Variants in JAK2 observed in about 807,000 individuals in gnomAD.
JAK2 encodes Janus kinase 2, also known as tyrosine-protein kinase JAK2.
A neutral mutation model predicts 139.3 loss-of-function variants in JAK2; 86 were observed. The observed-to-expected ratio is 0.62, with a 90% CI of 0.52 to 0.74. The LOEUF (loss-of-function observed/expected upper bound fraction) is 0.74. JAK2 is among the 30% of genes least tolerant of loss of function. The pLI, the probability that JAK2 is intolerant of heterozygous loss-of-function variation, is 0.00. For synonymous variants in JAK2, 490 were observed against 437.7 expected, an observed-to-expected ratio of 1.12 and a Z score of -1.49; for missense variants, 1,421 against 1,360.3, an observed-to-expected ratio of 1.04 and a Z score of -0.70.
At chr9:5,030,051 T>C (rs1165399539) in intron 4 of JAK2, 145 bp downstream of exon 4, 1 of 655,430 alleles carries the variant, frequency 1.5e-6, no homozygotes, top group Non-Finnish European at 2.5e-6. Flanking sequence ...TAAGATTCTA[T>C]TCTGTTTCTC....
At chr9:5,039,430 G>A (rs1280071054) in intron 4 of JAK2, among the ~76,000 whole-genome samples, 2 of 152,042 alleles carry the variant, frequency 1.3e-5, no homozygotes, top group Non-Finnish European at 2.9e-5. Flanking sequence ...TATACTGAAG[G>A]ATGTGCACAG....
At chr9:5,009,982 GGGCT>G (rs1821585465) in intron 2 of JAK2, among the ~76,000 whole-genome samples, 4 of 152,100 alleles carry the variant, frequency 2.6e-5, no homozygotes, top group African/African-American at 9.7e-5. Context: ...AATGTTGCCG[GGGCT>G]AGTCTTGAGC....
chr9:5,090,447 T>G lies in JAK2; in HGVS notation c.2763T>G (p.Gly921=). Residue 921 remains glycine, a splice_region_variant and synonymous_variant, in exon 21 of 25, where the codon GGT becomes GGG. Coordinates refer to ENST00000381652, the MANE Select transcript of JAK2 (RefSeq NM_004972.4). The part of the protein sequence containing the change: ...VKYKGVCYSA[G]RRNLKLIMEY... ...TTATTTCCACCTTTATGTTAAAAGG[T>G]CGGCGTAATCTAAAATTAATTATGG... 1 of 1,546,824 alleles carries G rather than the reference T, an allele frequency of 6.5e-7. No individual in the cohort carries two copies. The highest frequency in any genetic ancestry group is 8.7e-7 in the Non-Finnish European group (1 of 1,143,074).
intron 22 of JAK2, among the ~76,000 whole-genome samples, chr9:5,101,398 G>A (rs939708987): frequency 6.6e-6 from 1 of 152,366 alleles, no homozygotes; most frequent in East Asian, 1.9e-4. Context: ...ACTGGGTGGA[G>A]CCCACCACAG....
intron 22 of JAK2, chr9:5,111,311 C>T (rs899578563): frequency 2.2e-6 from 1 of 459,642 alleles, no homozygotes. Flanking sequence ...CCCTCAGCAG[C>T]CCCGGACCCC....
At chr9:5,071,234 A>G (rs1209776292) in intron 12 of JAK2, among the ~76,000 whole-genome samples, 1 of 152,176 alleles carries the variant, frequency 6.6e-6, no homozygotes, top group Non-Finnish European at 1.5e-5. Flanking sequence ...GGCAACCCAT[A>G]ATTCCCACAG....
intron 10 of JAK2, among the ~76,000 whole-genome samples, chr9:5,067,754 T>C (rs916910498): frequency 6.6e-6 from 1 of 152,148 alleles, no homozygotes; most frequent in Non-Finnish European, 1.5e-5. Flanking sequence ...AGGAAACTTA[T>C]CTACTGGACA....
intron 22 of JAK2, chr9:5,114,421 A>G: frequency 2.0e-6 from 1 of 494,326 alleles, no homozygotes; most frequent in South Asian, 1.8e-5. Context: ...ATCAAGGGGG[A>G]GACCTACCAG....
chr9:5,086,520 T>G (rs1820125880), intron 19 of JAK2, among the ~76,000 whole-genome samples: 1 of 152,202 alleles, frequency 6.6e-6, no homozygotes, highest in Non-Finnish European at 1.5e-5. Context: ...CCACATTCCT[T>G]GAATACTTTT....
chr9:5,011,319 G>A (rs755533290), intron 2 of JAK2, among the ~76,000 whole-genome samples: 4 of 152,064 alleles, frequency 2.6e-5, no homozygotes, highest in Non-Finnish European at 5.9e-5. Context: ...CCAAGTAGCT[G>A]GGACTACGGG....
Position 5,123,022 on chromosome 9 carries a change from GAC to G in JAK2, c.3080_3081del (p.Thr1027ArgfsTer19). On this transcript the variant is annotated frameshift_variant, in exon 23 of 25. Coordinates refer to ENST00000381652, the MANE Select transcript of JAK2 (RefSeq NM_004972.4). LOFTEE classifies it high-confidence loss of function. Reference protein sequence around the residue: ...PIFWYAPESLTESKFSVASDV... With the variant: ...PIFWYAPESLXESKFSVASDV... ...TTTACAGGTATGCTCCAGAATCACTGACAGAGAGCAAGTTTTCTGTGGCCTCA... is the reference window on the plus strand; with the variant it reads ...TTTACAGGTATGCTCCAGAATCACTGAGAGAGCAAGTTTTCTGTGGCCTCA... 2 of 1,610,576 alleles carry G rather than the reference GAC, an allele frequency of 1.2e-6. No individual in the cohort carries two copies. Among genetic ancestry groups the G allele is most frequent in the Non-Finnish European group, 1.7e-6 (2 of 1,177,830 alleles).
chr9:5,113,769 C>A (rs1822872693), intron 22 of JAK2: 1 of 165,916 alleles, frequency 6.0e-6, no homozygotes, highest in Non-Finnish European at 1.3e-5. Context: ...CAGCTGACTG[C>A]CTCGGGTGCG....
At chr9:5,090,611 G>A (rs757964566) in intron 21 of JAK2, 41 bp downstream of exon 21, 36 of 1,547,770 alleles carry the variant, frequency 2.3e-5, no homozygotes, top group Middle Eastern at 1.7e-4. Flanking sequence ...TGAAGCAACC[G>A]TGTTGAAGTA....
chr9:5,103,508 T>A (rs1821697846), intron 22 of JAK2, among the ~76,000 whole-genome samples: 1 of 152,008 alleles, frequency 6.6e-6, no homozygotes. Flanking sequence ...AATAGACAGA[T>A]CAATGAGACA....
chr9:5,107,239 G>T lies in JAK2; in HGVS notation c.3060-15765G>T, dbSNP rs10124201. On this transcript the variant is annotated intron_variant, in intron 22 of 24. Coordinates refer to ENST00000381652, the MANE Select transcript of JAK2 (RefSeq NM_004972.4). ...AAAGATATTAAATAACCTGACACTA[G>T]CCTTAGTAACCGACACCTTACTGGC... is the stretch of plus-strand genomic sequence containing the variant. Among the ~76,000 whole-genome samples the T allele has an allele frequency of 2.7e-3, 411 of 152,048 alleles. 1 individual carries two copies. The highest frequency in any genetic ancestry group is 9.4e-3 in the African/African-American group (389 of 41,448).
chr9:4,990,984 C>T (rs752076260), intron 2 of JAK2, among the ~76,000 whole-genome samples: 32 of 152,188 alleles, frequency 2.1e-4, no homozygotes, highest in Non-Finnish European at 3.5e-4. Flanking sequence ...ATATATCACA[C>T]TGTCCAGGTA....
intron 23 of JAK2, among the ~76,000 whole-genome samples, chr9:5,125,252 T>C (rs1165877904): frequency 6.6e-6 from 1 of 151,044 alleles, no homozygotes; most frequent in African/African-American, 2.4e-5. Context: ...AAAAGTTCAC[T>C]TATATAAATA....
At chr9:4,987,011 C>A (rs1031245781) in intron 2 of JAK2, among the ~76,000 whole-genome samples, 1 of 152,192 alleles carries the variant, frequency 6.6e-6, no homozygotes, top group African/African-American at 2.4e-5. Flanking sequence ...CCTCCCTTCC[C>A]CCATCCGCCT....
Position 5,090,840 on chromosome 9 carries a change from G to A in JAK2, c.2988G>A (p.Gly996=), listed in dbSNP as rs779785467. The change falls in exon 22 of 25, where the codon GGG becomes GGA. Residue 996 remains glycine (G), a synonymous_variant. Transcript: ENST00000381652. Reference sequence around the variant, plus strand: ...ACAGAGTTAAAATTGGAGATTTTGGGTTAACCAAAGTCTTGCCACAAGACA... The same window carrying A: ...ACAGAGTTAAAATTGGAGATTTTGGATTAACCAAAGTCTTGCCACAAGACA... ...NENRVKIGDF[G]LTKVLPQDKE... 5.0e-5 allele frequency: 81 copies of A among 1,613,104 alleles called. No individual in the cohort carries two copies. Among genetic ancestry groups the A allele is most frequent in the Non-Finnish European group, 6.4e-5 (76 of 1,179,432 alleles).
Sources: allele counts gnomAD v4.1 joint callset (sites outside exome capture counted in the v4.1 genomes callset), GRCh38; gene constraint gnomAD v4.1.1; transcripts MANE v1.5; gene names NCBI Gene and HGNC (gene_info 2026-07-23, HGNC 2026-07-21).